The following LAMA5 variants were observed in gnomAD, a reference collection of about 807,000 sequenced individuals.
LAMA5 encodes the protein laminin subunit alpha 5.
LAMA5 carries 260 observed loss-of-function variants against 433.4 expected under a neutral mutation model. The observed-to-expected ratio is 0.60, with a 90% CI of 0.54 to 0.66. The LOEUF is 0.66. Among genes scored for constraint, LAMA5 ranks in the 30% least tolerant of loss-of-function variants. The pLI is 0.00. For missense variants in LAMA5, 5,378 were observed against 5,258.5 expected, an observed-to-expected ratio of 1.02 and a Z score of -0.70; for synonymous variants, 2,620 against 2,226.6, an observed-to-expected ratio of 1.18 and a Z score of -4.97.
At chr20:62,328,170 A>G in intron 35 of LAMA5, 71 bp downstream of exon 35, 1 of 1,512,488 alleles carries the variant, frequency 6.6e-7, no homozygotes, top group Non-Finnish European at 8.9e-7. Context: ...GGGTGCCAGG[A>G]CCCTCTGGCT....
In LAMA5 at chr20:62,311,440, C is replaced by G; in HGVS notation, c.9903G>C (p.Pro3301=). The G allele has an allele frequency of 1.3e-6, 2 of 1,598,500 alleles. No homozygotes were observed. Among genetic ancestry groups the G allele is most frequent in the Non-Finnish European group, 1.7e-6 (2 of 1,172,862 alleles). ...GCAPALQAQT[P]GLGPRGLQAT... ...CCTGCAGTCCTCTAGGCCCCAGGCC[C>G]GGGGTCTGGGCTTGCAGGGCGGGTG... The change falls in exon 72 of 80, where the codon CCG becomes CCC. Residue 3301 remains proline, a synonymous_variant. Transcript: ENST00000252999.
chr20:62,312,164 A>G lies in LAMA5; in HGVS notation c.9504+9T>C, dbSNP rs1986346055. Reference sequence around the variant, plus strand: ...GGGGTGGGGAATGGGCACGGGTGTGAGGTCTCACCGGGGACGCCCGGTAGT... The same window carrying G: ...GGGGTGGGGAATGGGCACGGGTGTGGGGTCTCACCGGGGACGCCCGGTAGT... On this transcript the variant is annotated intron_variant, in intron 69 of 79. Coordinates refer to ENST00000252999, the MANE Select transcript of LAMA5 (RefSeq NM_005560.6). The G allele has an allele frequency of 6.2e-7, 1 of 1,610,778 alleles. No homozygotes were observed. The highest frequency in any genetic ancestry group is 1.3e-5 in the African/African-American group (1 of 75,026).
intron 48 of LAMA5, 38 bp from the exon 49 acceptor site, chr20:62,320,928 G>T: frequency 6.3e-7 from 1 of 1,588,886 alleles, no homozygotes; most frequent in South Asian, 1.1e-5. Flanking sequence ...GTGTCATTGG[G>T]TCAGGCCAGG....
At position 62,317,716 on chromosome 20, in the gene LAMA5, C is replaced by T; in HGVS notation, c.7302G>A (p.Arg2434=). ...ATCTGAAGACGCTGGCCAGGGTGTC[C>T]CTAGCCGCATGCAGAGTGGCCTGCA... ...ATLQATLHAA[R]DTLASVFRLL... The change falls in exon 54 of 80, where the codon AGG becomes AGA. Residue 2434 remains arginine, a synonymous_variant. Coordinates refer to ENST00000252999, the MANE Select transcript of LAMA5 (RefSeq NM_005560.6). 1.2e-6 allele frequency: 2 copies of T among 1,606,448 alleles called. No homozygotes were observed. The highest frequency in any genetic ancestry group is 1.7e-6 in the Non-Finnish European group (2 of 1,177,390).
chr20:62,315,678 T>TC (rs1356820801), intron 58 of LAMA5, among the ~76,000 whole-genome samples: 2 of 151,638 alleles, frequency 1.3e-5, no homozygotes, highest in Non-Finnish European at 2.9e-5. Context: ...TGTGCCCCAA[T>TC]CCCCCCCAAG....
chr20:62,320,973 G>A lies in LAMA5; in HGVS notation c.6497-83C>T, dbSNP rs147164627. On this transcript the variant is annotated intron_variant, in intron 48 of 79. Transcript: ENST00000252999. ...TCAGCTGGGGCCCTGGGGTCATTAG[G>A]GTGGGGAGGGCTCAGCCAGAGGTCA... 1.3e-3 allele frequency: 1,906 copies of A among 1,463,558 alleles called. 19 individuals are homozygous for A. The African/African-American group carries it at 0.024, about 19-fold the overall frequency. The allele number at this position is 1,463,558 out of a possible 1,614,324, so 90.7% of individuals were successfully genotyped here. A position where few individuals can be genotyped will look rare whatever the true frequency, so the allele number is the denominator to read the frequency against.
intron 11 of LAMA5, among the ~76,000 whole-genome samples, chr20:62,340,353 C>T (rs1262130565): frequency 5.0e-5 from 6 of 119,300 alleles, no homozygotes; most frequent in African/African-American, 1.7e-4. Flanking sequence ...TTCTTGTTGC[C>T]CAGGCTGGAG....
At position 62,323,461 on chromosome 20, in the gene LAMA5, C is replaced by T. The variant is rs1978688222; in HGVS notation, c.6059G>A (p.Cys2020Tyr). The T allele has an allele frequency of 5.2e-6, 8 of 1,539,546 alleles. No homozygotes were observed. Among genetic ancestry groups the T allele is most frequent in the Non-Finnish European group, 6.1e-6 (7 of 1,144,066 alleles). The change falls in exon 45 of 80, where the codon TGC becomes TAC. Residue 2020 changes from cysteine (C) to tyrosine (Y), a missense_variant. Cys to Tyr is a radical substitution (Grantham distance 194). Coordinates refer to ENST00000252999, the MANE Select transcript of LAMA5 (RefSeq NM_005560.6). ...FYGNALLPGN[C>Y]TRCDCTPCGT... ...CCTCCCAGCCCGACGCCTACGGGTGCAGTTGCCGGGCAGCAGGGCGTTGCC... is the reference window on the plus strand; with the variant it reads ...CCTCCCAGCCCGACGCCTACGGGTGTAGTTGCCGGGCAGCAGGGCGTTGCC...
At chr20:62,339,491 C>G (rs4925378) in intron 11 of LAMA5, among the ~76,000 whole-genome samples, 116,653 of 152,022 alleles carry the variant, frequency 0.77, 48,204 homozygotes, top group East Asian at 0.94. Context: ...CTGCCTCGGC[C>G]TCCCAAAGTG....
chr20:62,322,281 G>C lies in LAMA5; in HGVS notation c.6334C>G (p.Gln2112Glu), dbSNP rs1978381880. 5 of 1,597,724 alleles carry C rather than the reference G, an allele frequency of 3.1e-6. No homozygotes were observed. In the East Asian group the frequency reaches 1.1e-4, roughly 36 times the overall value. ...CAPGYWGLPE[Q>E]GCRRCQCPGG... ...GGCCAGCACTCACGCCTGCAGCCCT[G>C]CTCAGGGAGCCCCCAGTAGCCAGGG... Residue 2112 changes from glutamine to glutamate, a missense_variant, in exon 47 of 80, where the codon CAG (glutamine) becomes GAG (glutamate). Coordinates refer to ENST00000252999, the MANE Select transcript of LAMA5 (RefSeq NM_005560.6).
In LAMA5 at chr20:62,322,292, C is replaced by T. The variant is rs755722504; in HGVS notation, c.6323G>A (p.Gly2108Glu). 2.5e-5 allele frequency: 40 copies of T among 1,599,492 alleles called. No individual in the cohort carries two copies. The highest frequency in any genetic ancestry group is 3.4e-5 in the Non-Finnish European group (40 of 1,175,774). ...ACGCCTGCAGCCCTGCTCAGGGAGCCCCCAGTAGCCAGGGGCACACTCGCG... is the reference window on the plus strand; with the variant it reads ...ACGCCTGCAGCCCTGCTCAGGGAGCTCCCAGTAGCCAGGGGCACACTCGCG... Reference protein sequence around the residue: ...QCRECAPGYWGLPEQGCRRCQ... With the variant: ...QCRECAPGYWELPEQGCRRCQ... The change falls in exon 47 of 80, where the codon GGG (glycine) becomes GAG (glutamate). Residue 2108 changes from glycine to glutamate, a missense_variant. Gly to Glu is a moderately conservative substitution (Grantham distance 98). Transcript: ENST00000252999.
rs2146090749 is a variant in LAMA5 at position 62,318,516 on chromosome 20, C to T, written c.7177G>A (p.Asp2393Asn). The T allele has an allele frequency of 6.2e-7, 1 of 1,609,516 alleles. No homozygotes were observed. The highest frequency in any genetic ancestry group is 1.1e-5 in the South Asian group (1 of 91,070). Residue 2393 changes from aspartate to asparagine, a missense_variant, in exon 53 of 80, where the codon GAC becomes AAC. Asp to Asn is a conservative substitution (Grantham distance 23). Transcript: ENST00000252999. ...DLREALNRAV[D>N]ATREAQELNS... ...AGCTCCTGGGCCTCCCGTGTGGCGT[C>T]CACTGCCCGGTTCAAAGCCTCTCGC...
intron 28 of LAMA5, among the ~76,000 whole-genome samples, chr20:62,331,894 A>T (rs1430997744): frequency 6.6e-6 from 1 of 152,178 alleles, no homozygotes; most frequent in Admixed American, 6.5e-5. Context: ...TCTCCTAAAA[A>T]TACGAAAATT....
At chr20:62,311,816 T>TGGGGCCCCC in intron 70 of LAMA5, 32 bp from the exon 71 acceptor site, 20 of 1,520,916 alleles carry the variant, frequency 1.3e-5, no homozygotes, top group African/African-American at 1.4e-5. Context: ...GCTCGGTTTT[T>TGGGGCCCCC]CCCCACCCTG....
At chr20:62,351,553 G>C in intron 6 of LAMA5, 151 bp downstream of exon 6, 1 of 706,162 alleles carries the variant, frequency 1.4e-6, no homozygotes, top group East Asian at 2.7e-5. Context: ...GGCACACACG[G>C]CGGTGGTCAG....
At chr20:62,319,884 G>T (rs868453319) in intron 50 of LAMA5, 89 bp from the exon 51 acceptor site, 1 of 1,002,084 alleles carries the variant, frequency 1.0e-6, no homozygotes, top group African/African-American at 1.6e-5. Flanking sequence ...GAGCGCCGAG[G>T]GTCCCAGGGA....
At chr20:62,336,223 C>T in intron 18 of LAMA5, 117 bp downstream of exon 18, 1 of 697,720 alleles carries the variant, frequency 1.4e-6, no homozygotes. Context: ...CTCCAGGGCA[C>T]ACTCACTGGC....
At chr20:62,338,184 GC>G in intron 13 of LAMA5, 34 bp from the exon 14 acceptor site, 1 of 1,569,166 alleles carries the variant, frequency 6.4e-7, no homozygotes, top group Non-Finnish European at 8.7e-7. Flanking sequence ...GGTAGGCCAG[GC>G]CCACGGGCCT....
chr20:62,320,599 C>T lies in LAMA5; in HGVS notation c.6719G>A (p.Ser2240Asn), dbSNP rs1406884306. ...CCGTGCGTCCTGCCCGAGGCTTGTG[C>T]TCTGCTGCTCCAGCACCTCCAGCTG... ...AQQLEVLEQQ[S>N]TSLGQDARRL... The change falls in exon 50 of 80, where the codon AGC (serine) becomes AAC (asparagine). Residue 2240 changes from serine (S) to asparagine (N), a missense_variant. Physicochemically the swap from Ser to Asn is conservative, Grantham distance 46 (BLOSUM62 1). Transcript: ENST00000252999. 2 of 1,606,508 alleles carry T rather than the reference C, an allele frequency of 1.2e-6. No homozygotes were observed. The highest frequency in any genetic ancestry group is 1.7e-6 in the Non-Finnish European group (2 of 1,178,952).
Sources: gnomAD v4.1 joint callset for allele counts (sites outside exome capture counted in the v4.1 genomes callset) on GRCh38, gnomAD v4.1.1 for gene constraint, MANE v1.5 for transcripts, NCBI Gene and HGNC (gene_info 2026-07-23, HGNC 2026-07-21) for gene names.